CBY2: variants seen among roughly 807,000 people sequenced by gnomAD.
CBY2 encodes the protein protein chibby homolog 2.
Under a neutral mutation model 25.3 loss-of-function variants are expected in CBY2, and 23 were observed. The ratio of observed to expected loss-of-function variants is 0.91; its 90% CI spans 0.65 to 1.29. The LOEUF (loss-of-function observed/expected upper bound fraction) is 1.29, where lower values mean the gene tolerates loss of function less well. CBY2 is among the 50% of genes most tolerant of loss of function. The probability of loss-of-function intolerance (pLI) is 0.00; values close to 1 mark genes in which losing one functional copy is unlikely to be tolerated. For synonymous variants in CBY2, 279 were observed against 260.2 expected, an observed-to-expected ratio of 1.07 and a Z score of -0.70; for missense variants, 642 against 590.7, an observed-to-expected ratio of 1.09 and a Z score of -0.90.
Position 45,714,411 on chromosome 13 carries a change from C to G in CBY2, c.*39C>G. On this transcript the variant is annotated 3_prime_UTR_variant, in exon 3 of 3. Transcript: ENST00000310521. ...CACCGGGACGCCGAGTTTGGGACACCGAACACTGGGCAAAAGAGAATCCCC... is the reference window on the plus strand; with the variant it reads ...CACCGGGACGCCGAGTTTGGGACACGGAACACTGGGCAAAAGAGAATCCCC... 3 of 1,492,696 alleles carry G rather than the reference C, an allele frequency of 2.0e-6. No individual in the cohort carries two copies. The highest frequency in any genetic ancestry group is 1.4e-5 in the African/African-American group (1 of 72,060). 92.5% of individuals were successfully genotyped at this position (1,492,696 alleles called of 1,614,324 possible).
chr13:45,714,126 G>A lies in CBY2; in HGVS notation c.1101G>A (p.Gln367=). ...QLLREMRQAL[Q]ALLKENRLLQ... is the part of the protein sequence containing the mutation. The stretch of plus-strand genomic sequence containing the variant: ...TGAGAGAGATGAGGCAGGCGCTGCA[G>A]GCCCTGCTCAAGGAGAACCGGCTCC... The change falls in exon 3 of 3, where the codon CAG becomes CAA. Residue 367 remains glutamine (Q), a synonymous_variant. Coordinates refer to ENST00000310521, the MANE Select transcript of CBY2 (RefSeq NM_152719.3). 6.3e-7 allele frequency: 1 copy of A among 1,582,132 alleles called. No individual in the cohort carries two copies. The highest frequency in any genetic ancestry group is 1.1e-5 in the South Asian group (1 of 87,260).
At position 45,713,224 on chromosome 13, in the gene CBY2, A is replaced by C; in HGVS notation, c.199A>C (p.Ser67Arg). ...CTTCCCGAGGCTCCACAACTTGTAC[A>C]GCACCCCTCGCTGCGCGCAGCAGGC... ...EPFPRLHNLY[S>R]TPRCAQQAAL... The change falls in exon 3 of 3, where the codon AGC becomes CGC. Residue 67 changes from serine to arginine, a missense_variant. Physicochemically the swap from Ser to Arg is moderately radical, Grantham distance 110. Coordinates refer to ENST00000310521, the MANE Select transcript of CBY2 (RefSeq NM_152719.3). The surrounding 1 kb of genome is among the most constrained non-coding windows in gnomAD (Gnocchi z 5.0). The C allele has an allele frequency of 6.2e-7, 1 of 1,613,448 alleles. No individual in the cohort carries two copies. The highest frequency in any genetic ancestry group is 8.5e-7 in the Non-Finnish European group (1 of 1,179,856).
chr13:45,710,020 G>T (rs760862640), intron 2 of CBY2, among the ~76,000 whole-genome samples: 6 of 152,188 alleles, frequency 3.9e-5, no homozygotes, highest in Non-Finnish European at 8.8e-5. Context: ...TGTCAGTGTG[G>T]TGAGGATAAA....
At chr13:45,711,398 C>A (rs900595011) in intron 2 of CBY2, among the ~76,000 whole-genome samples, 1 of 152,150 alleles carries the variant, frequency 6.6e-6, no homozygotes, top group African/African-American at 2.4e-5. Context: ...CCTTTAAGAT[C>A]ATGGAGCCCG....
chr13:45,711,837 G>T (rs1950272034), intron 2 of CBY2, among the ~76,000 whole-genome samples: 1 of 152,148 alleles, frequency 6.6e-6, no homozygotes, highest in South Asian at 2.1e-4. Context: ...ATTCCTCAGG[G>T]TCCTTGACTG....
Position 45,713,306 on chromosome 13 carries a change from G to A in CBY2, c.281G>A (p.Arg94His), listed in dbSNP as rs1950283199. 1 of 1,614,066 alleles carries A rather than the reference G, an allele frequency of 6.2e-7. No homozygotes were observed. The highest frequency in any genetic ancestry group is 8.5e-7 in the Non-Finnish European group (1 of 1,180,018). ...AGCCAGCACTCCTATCCACTGAACC[G>A]CTTCTCCTCCGTGCCTTTAGACCCC... ...MASQHSYPLN[R>H]FSSVPLDPME... The change falls in exon 3 of 3, where the codon CGC (arginine) becomes CAC (histidine). Residue 94 changes from arginine (R) to histidine (H), a missense_variant. Arg to His is a conservative substitution (Grantham distance 29). Coordinates refer to ENST00000310521, the MANE Select transcript of CBY2 (RefSeq NM_152719.3). This position sits in a 1 kb window ranked among gnomAD's most constrained non-coding sequence, Gnocchi z 5.0.
intron 2 of CBY2, among the ~76,000 whole-genome samples, chr13:45,705,072 C>T (rs577300392): frequency 1.3e-5 from 2 of 152,348 alleles, no homozygotes; most frequent in East Asian, 3.9e-4. Context: ...TTGGGCTTCT[C>T]AATTACATTG....
chr13:45,708,751 A>G (rs1376247418), intron 2 of CBY2, among the ~76,000 whole-genome samples: 56 of 152,220 alleles, frequency 3.7e-4, no homozygotes, highest in Non-Finnish European at 1.5e-4. Flanking sequence ...TAAAATAAGT[A>G]TATGACTACT....
At chr13:45,710,815 A>G (rs1352476237) in intron 2 of CBY2, among the ~76,000 whole-genome samples, 3 of 152,230 alleles carry the variant, frequency 2.0e-5, no homozygotes, top group Non-Finnish European at 4.4e-5. Flanking sequence ...GCGTATCCTT[A>G]CAAAGTTAAT....
At chr13:45,703,556 G>C (rs1950223168) in intron 2 of CBY2, 1 of 1,550,896 alleles carries the variant, frequency 6.4e-7, no homozygotes, top group African/African-American at 1.4e-5. Context: ...GCAACCAGAG[G>C]GGTTGAAATG....
rs138512537 is a variant in CBY2 at position 45,713,197 on chromosome 13, C to G, written c.172C>G (p.Pro58Ala). The change falls in exon 3 of 3, where the codon CCC becomes GCC. Residue 58 changes from proline to alanine, a missense_variant. Transcript: ENST00000310521. The surrounding 1 kb of genome is among the most constrained non-coding windows in gnomAD (Gnocchi z 5.0). Reference sequence around the variant, plus strand: ...TCTCCCGCAGAGGGGCACAGCCGAACCCTTCCCGAGGCTCCACAACTTGTA... The same window carrying G: ...TCTCCCGCAGAGGGGCACAGCCGAAGCCTTCCCGAGGCTCCACAACTTGTA... ...VVLPQRGTAEPFPRLHNLYST... is the reference protein window; with the variant it reads ...VVLPQRGTAEAFPRLHNLYST... The G allele has an allele frequency of 2.5e-6, 4 of 1,611,830 alleles. No homozygotes were observed. Among genetic ancestry groups the G allele is most frequent in the East Asian group, 4.5e-5 (2 of 44,842 alleles).
At chr13:45,712,134 T>C (rs963430059) in intron 2 of CBY2, among the ~76,000 whole-genome samples, 1 of 152,234 alleles carries the variant, frequency 6.6e-6, no homozygotes, top group African/African-American at 2.4e-5. Context: ...CTGCTCATGC[T>C]AAGTGTGAGT....
intron 2 of CBY2, among the ~76,000 whole-genome samples, chr13:45,706,802 T>C (rs558316138): frequency 1.3e-5 from 2 of 152,292 alleles, no homozygotes; most frequent in East Asian, 3.9e-4. Flanking sequence ...GTGATACCAC[T>C]GGTCGAGGAG....
In CBY2 at chr13:45,713,193, C is replaced by T. The variant is rs746508153; in HGVS notation, c.168C>T (p.Ala56=). ...ATTCTCTCCCGCAGAGGGGCACAGC[C>T]GAACCCTTCCCGAGGCTCCACAACT... is the stretch of plus-strand genomic sequence containing the variant. The part of the protein sequence containing the change: ...ISVVLPQRGT[A]EPFPRLHNLY... The change falls in exon 3 of 3, where the codon GCC becomes GCT. Residue 56 remains alanine (A), a synonymous_variant. Transcript: ENST00000310521. This position sits in a 1 kb window ranked among gnomAD's most constrained non-coding sequence, Gnocchi z 5.0. 49 of 1,610,998 alleles carry T rather than the reference C, an allele frequency of 3.0e-5. No homozygotes were observed. The highest frequency in any genetic ancestry group is 6.7e-5 in the African/African-American group (5 of 74,906).
intron 2 of CBY2, chr13:45,703,608 T>TCG (rs2137499677): frequency 6.5e-7 from 1 of 1,546,262 alleles, no homozygotes; most frequent in East Asian, 2.4e-5. Context: ...ATCTGAGAGC[T>TCG]CTGTCCAGGG....
intron 2 of CBY2, among the ~76,000 whole-genome samples, chr13:45,708,839 G>A (rs1191525178): frequency 6.6e-6 from 1 of 152,196 alleles, no homozygotes; most frequent in East Asian, 1.9e-4. Context: ...CCTGTCTGAG[G>A]ATAGGAGGAA....
chr13:45,703,376 T>C (rs1234854433), intron 2 of CBY2: 8 of 1,443,012 alleles, frequency 5.5e-6, no homozygotes, highest in African/African-American at 2.9e-5. Context: ...AGTCAATGAA[T>C]TGGTGAAGTC....
chr13:45,703,188 G>A, intron 2 of CBY2: 1 of 1,245,792 alleles, frequency 8.0e-7, no homozygotes, highest in Non-Finnish European at 1.0e-6. Context: ...CAATCACTCT[G>A]GATTTCTGGG....
intron 2 of CBY2, among the ~76,000 whole-genome samples, chr13:45,705,375 T>C (rs1428480233): frequency 1.3e-5 from 2 of 152,196 alleles, no homozygotes; most frequent in Non-Finnish European, 2.9e-5. Context: ...CTACACCAGG[T>C]CAGACTGAGC....
Sources: allele counts gnomAD v4.1 joint callset (sites outside exome capture counted in the v4.1 genomes callset), GRCh38; gene constraint gnomAD v4.1.1; non-coding constraint Gnocchi (gnomAD v3.1); transcripts MANE v1.5; gene names NCBI Gene and HGNC (gene_info 2026-07-23, HGNC 2026-07-21).